Variants in MITF observed in about 807,000 individuals in gnomAD.
The protein encoded by MITF is microphthalmia-associated transcription factor.
In MITF, 17 loss-of-function variants were observed where a neutral mutation model predicts 60.5. The observed-to-expected ratio is 0.28, with a 90% CI of 0.19 to 0.42. The LOEUF (loss-of-function observed/expected upper bound fraction) is 0.42. Among genes scored for constraint, MITF ranks in the 10% least tolerant of loss-of-function variants. The pLI, the probability that MITF is intolerant of heterozygous loss-of-function variation, is 1.00. For synonymous variants in MITF, 260 were observed against 248.5 expected (o/e 1.05, Z -0.43); for missense variants, 622 against 683.5 (o/e 0.91, Z 1.00).
intron 1 of MITF, among the ~76,000 whole-genome samples, chr3:69,836,485 T>G (rs1453240293): frequency 6.6e-6 from 1 of 152,162 alleles, no homozygotes; most frequent in African/African-American, 2.4e-5. Flanking sequence ...GTACCTGGCG[T>G]TGAGTAGGGT....
intron 1 of MITF, among the ~76,000 whole-genome samples, chr3:69,877,614 G>T (rs951734718): frequency 2.6e-5 from 4 of 152,138 alleles, no homozygotes; most frequent in Non-Finnish European, 2.9e-5. Flanking sequence ...AATATACTGA[G>T]CCAATTTCCT....
At chr3:69,744,411 A>G (rs1055758188) in intron 1 of MITF, among the ~76,000 whole-genome samples, 2 of 152,012 alleles carry the variant, frequency 1.3e-5, no homozygotes, top group African/African-American at 4.8e-5. Flanking sequence ...TTGTTCTGCC[A>G]TCGATGTCTG....
At chr3:69,936,378 G>A (rs1434986775) in intron 2 of MITF, among the ~76,000 whole-genome samples, 3 of 152,104 alleles carry the variant, frequency 2.0e-5, no homozygotes, top group Non-Finnish European at 2.9e-5. Flanking sequence ...TGATCTGACA[G>A]TGAGTTTGAC....
chr3:69,753,182 C>T lies in MITF; in HGVS notation c.104+13481C>T, dbSNP rs567250820. 2.3e-4 allele frequency among the ~76,000 whole-genome samples: 35 copies of T among 152,296 alleles called. No individual in the cohort carries two copies. The South Asian group carries it at 7.3e-3, about 32-fold the overall frequency. ...AGTTGCTCCAGATCCAGCTATGGCT[C>T]ATAGAGGCCCAGGTTACACTCAGGC... On this transcript the variant is annotated intron_variant, in intron 1 of 9. Transcript: ENST00000352241.
chr3:69,905,716 T>TG (rs200884088), intron 2 of MITF, among the ~76,000 whole-genome samples: 1 of 146,734 alleles, frequency 6.8e-6, no homozygotes, highest in South Asian at 2.2e-4. Flanking sequence ...TCATTGTGTG[T>TG]TTTTTTTTAA....
intron 2 of MITF, among the ~76,000 whole-genome samples, chr3:69,913,915 T>C (rs1161756435): frequency 6.6e-6 from 1 of 152,198 alleles, no homozygotes; most frequent in Non-Finnish European, 1.5e-5. Context: ...CAATGGATTA[T>C]GGCACTTCAA....
chr3:69,825,013 T>C (rs914411882), intron 1 of MITF, among the ~76,000 whole-genome samples: 2 of 134,940 alleles, frequency 1.5e-5, no homozygotes, highest in African/African-American at 5.1e-5. Context: ...TCCTATATTC[T>C]TTAAAGTTCT....
chr3:69,909,451 C>T (rs143022353), intron 2 of MITF, among the ~76,000 whole-genome samples: 2,346 of 152,140 alleles, frequency 0.015, 27 homozygotes, highest in Middle Eastern at 0.051. Flanking sequence ...AATGTGGAAG[C>T]GACTTTGGAA....
intron 1 of MITF, among the ~76,000 whole-genome samples, chr3:69,740,382 TGCAGAGGGG>T (rs1703485747): frequency 6.6e-6 from 1 of 152,078 alleles, no homozygotes; most frequent in Non-Finnish European, 1.5e-5. Context: ...AGGCCTTACC[TGCAGAGGGG>T]AAATGAGCCT....
rs1286817259 is a variant in MITF, at chr3:69,965,498, C to G, written c.*250C>G. The G allele has an allele frequency of 1.1e-5, 4 of 376,602 alleles. No homozygotes were observed. Among genetic ancestry groups the G allele is most frequent in the Non-Finnish European group, 1.9e-5 (4 of 207,376 alleles). 23.3% of individuals were successfully genotyped at this position (376,602 alleles called of 1,614,324 possible). ...GTGCAGTATCTGTGAACTGAATTCA[C>G]CACAGACTTTAGCTTTCTGAGCAAG... On this transcript the variant is annotated 3_prime_UTR_variant, in exon 10 of 10. Coordinates refer to ENST00000352241, the MANE Select transcript of MITF (RefSeq NM_001354604.2).
At chr3:69,864,568 T>G (rs1198595565) in intron 1 of MITF, among the ~76,000 whole-genome samples, 1 of 152,180 alleles carries the variant, frequency 6.6e-6, no homozygotes, top group African/African-American at 2.4e-5. Flanking sequence ...AGTTTTCTAG[T>G]TGGCTGTCAA....
At chr3:69,872,354 G>C (rs1180254760) in intron 1 of MITF, among the ~76,000 whole-genome samples, 1 of 151,974 alleles carries the variant, frequency 6.6e-6, no homozygotes, top group Non-Finnish European at 1.5e-5. Flanking sequence ...AAAATCTGCT[G>C]ATGAAAATTG....
intron 2 of MITF, among the ~76,000 whole-genome samples, chr3:69,932,789 A>C (rs2107463994): frequency 6.6e-6 from 1 of 152,314 alleles, no homozygotes; most frequent in East Asian, 1.9e-4. Context: ...CTAGTTATTT[A>C]AGAAAGCTAG....
intron 2 of MITF, among the ~76,000 whole-genome samples, chr3:69,882,536 C>T (rs1019976615): frequency 2.6e-5 from 4 of 152,022 alleles, no homozygotes; most frequent in Admixed American, 2.0e-4. Context: ...TGAACACACC[C>T]TGTATTTTGA....
intron 2 of MITF, among the ~76,000 whole-genome samples, chr3:69,880,227 A>G (rs1192377846): frequency 6.6e-6 from 1 of 152,190 alleles, no homozygotes; most frequent in African/African-American, 2.4e-5. Context: ...TGAACTTTAC[A>G]GACCGGTGAT....
At chr3:69,796,449 T>G (rs2062828788) in intron 1 of MITF, among the ~76,000 whole-genome samples, 1 of 151,438 alleles carries the variant, frequency 6.6e-6, no homozygotes, top group African/African-American at 2.4e-5. Context: ...CATTTAAAGC[T>G]GCTTGAATGC....
intron 1 of MITF, among the ~76,000 whole-genome samples, chr3:69,864,958 C>A (rs1171000356): frequency 6.6e-6 from 1 of 152,158 alleles, no homozygotes; most frequent in Non-Finnish European, 1.5e-5. Context: ...CTCTCTGCAG[C>A]AGTTATGACA....
chr3:69,740,230 G>T (rs1490371911), intron 1 of MITF, among the ~76,000 whole-genome samples: 1 of 152,118 alleles, frequency 6.6e-6, no homozygotes, highest in Non-Finnish European at 1.5e-5. Context: ...ACTAGCCTCT[G>T]GGCTCCTGCA....
intron 2 of MITF, among the ~76,000 whole-genome samples, chr3:69,911,031 A>C (rs1460557450): frequency 2.0e-5 from 3 of 152,022 alleles, no homozygotes; most frequent in Admixed American, 6.6e-5. Flanking sequence ...CAGAATTCCC[A>C]CATGTTGTGG....
Sources: gnomAD v4.1 joint callset for allele counts (sites outside exome capture counted in the v4.1 genomes callset) on GRCh38, gnomAD v4.1.1 for gene constraint, MANE v1.5 for transcripts, NCBI Gene and HGNC (gene_info 2026-07-23, HGNC 2026-07-21) for gene names.